Variants in PXDNL observed in about 807,000 individuals in gnomAD.
PXDNL encodes peroxidasin like.
In PXDNL, 145 loss-of-function variants were observed where a neutral mutation model predicts 150.8. That is an observed-to-expected ratio of 0.96 (90% CI 0.84 to 1.10). The LOEUF (loss-of-function observed/expected upper bound fraction) is 1.10. PXDNL is among the 50% of genes least tolerant of loss of function. The pLI, the probability that PXDNL is intolerant of heterozygous loss-of-function variation, is 0.00. For missense variants in PXDNL, 2,087 were observed against 1,873.9 expected, an observed-to-expected ratio of 1.11 and a Z score of -2.10; for synonymous variants, 757 against 725.7, an observed-to-expected ratio of 1.04 and a Z score of -0.69.
At chr8:51,356,916 C>T (rs1289164676) in intron 19 of PXDNL, among the ~76,000 whole-genome samples, 1 of 152,158 alleles carries the variant, frequency 6.6e-6, no homozygotes, top group Non-Finnish European at 1.5e-5. Flanking sequence ...TTACCTACAG[C>T]ACTGAATTAT....
chr8:51,548,483 A>T (rs1334344917), intron 4 of PXDNL, among the ~76,000 whole-genome samples: 1 of 152,208 alleles, frequency 6.6e-6, no homozygotes, highest in South Asian at 2.1e-4. Context: ...TCAGATTAGC[A>T]GCAGATTTTT....
intron 1 of PXDNL, among the ~76,000 whole-genome samples, chr8:51,720,719 A>C (rs1435164829): frequency 2.0e-5 from 3 of 152,232 alleles, no homozygotes; most frequent in Non-Finnish European, 2.9e-5. Flanking sequence ...ATTTTGGTGA[A>C]GCATCTAGGA....
chr8:51,449,488 T>A (rs894439410), intron 10 of PXDNL, among the ~76,000 whole-genome samples: 1 of 152,228 alleles, frequency 6.6e-6, no homozygotes, highest in Non-Finnish European at 1.5e-5. Context: ...TCTCCAAACT[T>A]TCACATGCAC....
intron 19 of PXDNL, among the ~76,000 whole-genome samples, chr8:51,369,817 C>T (rs1245209916): frequency 6.6e-6 from 1 of 152,198 alleles, no homozygotes; most frequent in East Asian, 1.9e-4. Context: ...CTCAAGACCC[C>T]AACCCTCCTC....
At chr8:51,523,705 T>C (rs939816449) in intron 4 of PXDNL, among the ~76,000 whole-genome samples, 1 of 152,240 alleles carries the variant, frequency 6.6e-6, no homozygotes, top group Non-Finnish European at 1.5e-5. Flanking sequence ...GTTGCTATCA[T>C]GGAGGCTCCC....
At chr8:51,640,450 A>C (rs1195415023) in intron 2 of PXDNL, among the ~76,000 whole-genome samples, 2 of 152,186 alleles carry the variant, frequency 1.3e-5, no homozygotes, top group Admixed American at 1.3e-4. Context: ...TATACCTAGA[A>C]AACCCCATTG....
chr8:51,804,758 C>A (rs981914584), intron 1 of PXDNL, among the ~76,000 whole-genome samples: 5 of 151,772 alleles, frequency 3.3e-5, no homozygotes, highest in African/African-American at 1.2e-4. Flanking sequence ...ATACTTTAAT[C>A]AGCATATACC....
intron 1 of PXDNL, among the ~76,000 whole-genome samples, chr8:51,720,685 A>G (rs7838681): frequency 0.037 from 5,686 of 152,306 alleles, 340 homozygotes; most frequent in African/African-American, 0.12. Flanking sequence ...AAAATTAGAT[A>G]TATTTCTCAC....
intron 4 of PXDNL, among the ~76,000 whole-genome samples, chr8:51,546,231 T>C (rs4407871): frequency 0.2 from 30,761 of 152,136 alleles, 3,326 homozygotes; most frequent in Admixed American, 0.3. Context: ...GCATTCCCAC[T>C]GGGGAACCTA....
At chr8:51,690,602 C>A (rs1413294784) in intron 1 of PXDNL, among the ~76,000 whole-genome samples, 4 of 152,154 alleles carry the variant, frequency 2.6e-5, no homozygotes, top group Admixed American at 2.6e-4. Flanking sequence ...CAAGTCTTTG[C>A]TATTGTGAAT....
chr8:51,744,081 G>GA (rs2036942295), intron 1 of PXDNL, among the ~76,000 whole-genome samples: 1 of 45,660 alleles, frequency 2.2e-5, no homozygotes, highest in African/African-American at 6.9e-5. Flanking sequence ...AAGGAAGGAA[G>GA]GAAGGAAGGA....
chr8:51,422,669 G>A (rs1227450803), intron 14 of PXDNL, among the ~76,000 whole-genome samples: 2 of 152,198 alleles, frequency 1.3e-5, no homozygotes, highest in African/African-American at 4.8e-5. Context: ...TGAAAGCTGA[G>A]CAAAGCCCAA....
chr8:51,489,318 A>T (rs1365825878), intron 5 of PXDNL, among the ~76,000 whole-genome samples: 1 of 152,106 alleles, frequency 6.6e-6, no homozygotes, highest in African/African-American at 2.4e-5. Context: ...TTTTTATTTT[A>T]ACTATATGTT....
chr8:51,587,846 T>C (rs1046309357), intron 3 of PXDNL, among the ~76,000 whole-genome samples: 11 of 152,196 alleles, frequency 7.2e-5, no homozygotes, highest in Non-Finnish European at 1.6e-4. Context: ...GTTCCTGTGT[T>C]CTAGATACTA....
chr8:51,677,352 G>GA (rs1585667473), intron 1 of PXDNL, among the ~76,000 whole-genome samples: 2 of 152,088 alleles, frequency 1.3e-5, no homozygotes, highest in African/African-American at 2.4e-5. Flanking sequence ...TAAAGCAACA[G>GA]AAAAAAATGT....
chr8:51,356,001 A>G (rs1222475395), intron 19 of PXDNL, among the ~76,000 whole-genome samples: 3 of 152,242 alleles, frequency 2.0e-5, no homozygotes, highest in Non-Finnish European at 4.4e-5. Flanking sequence ...CGACGAGGTC[A>G]CATGGTGGGG....
intron 18 of PXDNL, among the ~76,000 whole-genome samples, chr8:51,373,910 G>C (rs1807214033): frequency 6.6e-6 from 1 of 152,090 alleles, no homozygotes; most frequent in Admixed American, 6.6e-5. Context: ...TGTATTTCTT[G>C]GTTTTTATTC....
At chr8:51,553,651 CCAAA>C (rs1398646108) in intron 4 of PXDNL, among the ~76,000 whole-genome samples, 2 of 150,898 alleles carry the variant, frequency 1.3e-5, no homozygotes, top group Admixed American at 6.6e-5. Context: ...GAACCGCTTC[CCAAA>C]CAATGAACTC....
At position 51,761,081 on chromosome 8, in the gene PXDNL, G is replaced by A. The variant is rs559506547; in HGVS notation, c.164+48100C>T. 5.7e-4 allele frequency among the ~76,000 whole-genome samples: 80 copies of A among 140,766 alleles called. 1 individual carries two copies. The highest frequency in any genetic ancestry group is 2.1e-3 in the African/African-American group (79 of 36,808). 92.3% of individuals were successfully genotyped at this position (140,766 alleles called of 152,430 possible). A position where few individuals can be genotyped will look rare whatever the true frequency, so the allele number is the denominator to read the frequency against. On this transcript the variant is annotated intron_variant, in intron 1 of 22. Coordinates refer to ENST00000356297, the MANE Select transcript of PXDNL (RefSeq NM_144651.5). Reference sequence around the variant, plus strand: ...GTAGAGACGGGGTTTCACCATGTTAGCCAGGATGGTCTCGAACTGCTGACC... The same window carrying A: ...GTAGAGACGGGGTTTCACCATGTTAACCAGGATGGTCTCGAACTGCTGACC...
Sources: allele counts gnomAD v4.1 joint callset (sites outside exome capture counted in the v4.1 genomes callset), GRCh38; gene constraint gnomAD v4.1.1; transcripts MANE v1.5; gene names NCBI Gene and HGNC (gene_info 2026-07-23, HGNC 2026-07-21).